Variants in ZNF26 observed in about 807,000 individuals in gnomAD.
ZNF26 encodes the protein epididymis luminal protein 179.
Under a neutral mutation model 54.9 loss-of-function variants are expected in ZNF26, and 32 were observed. That is an observed-to-expected ratio of 0.58 (90% CI 0.44 to 0.78). ZNF26 has a LOEUF of 0.78. Ranked by LOEUF, ZNF26 falls within the 30% of genes least tolerant of loss-of-function variation. ZNF26 has a pLI of 0.00. For synonymous variants in ZNF26, 221 were observed against 209.2 expected (o/e 1.06, Z -0.49); for missense variants, 524 against 634.0 (o/e 0.83, Z 1.86).
At chr12:133,007,844 A>G (rs1022327383) in intron 3 of ZNF26, among the ~76,000 whole-genome samples, 21 of 152,142 alleles carry the variant, frequency 1.4e-4, no homozygotes, top group African/African-American at 3.4e-4. Context: ...CGAGACCTTT[A>G]GAGGATTTCT....
In ZNF26 at chr12:133,027,035, A is replaced by G. The variant is rs1953714398; in HGVS notation, c.*15554A>G. ...AAATGCAACACCTTTTTACGATTAT[A>G]AACCCCTCAGCAAACATACTTCAAG... On this transcript the variant is annotated 3_prime_UTR_variant, in exon 4 of 4. Coordinates refer to ENST00000328654, the MANE Select transcript of ZNF26 (RefSeq NM_019591.4). The G allele has an allele frequency of 1.3e-5, 2 of 152,166 alleles. No homozygotes were observed. The highest frequency in any genetic ancestry group is 2.9e-5 in the Non-Finnish European group (2 of 68,032). The allele number at this position is 152,166 out of a possible 1,614,324, so 9.4% of individuals were successfully genotyped here.
intron 1 of ZNF26, among the ~76,000 whole-genome samples, chr12:132,989,056 T>TTTTTTA (rs1952890709): frequency 7.0e-6 from 1 of 143,110 alleles, no homozygotes; most frequent in Non-Finnish European, 1.5e-5. Flanking sequence ...TTTTTTTTTT[T>TTTTTTA]GAGACAGAGT....
Position 133,019,274 on chromosome 12 carries a change from T to G in ZNF26, c.*7793T>G, listed in dbSNP as rs1953607897. On this transcript the variant is annotated 3_prime_UTR_variant, in exon 4 of 4. Transcript: ENST00000328654. Reference sequence around the variant, plus strand: ...AACCCACAGATTGGGAGAAAATATTTGCAAACTATCCATTTGACAAGGGGT... The same window carrying G: ...AACCCACAGATTGGGAGAAAATATTGGCAAACTATCCATTTGACAAGGGGT... The G allele has an allele frequency of 6.6e-6, 1 of 152,100 alleles. No individual in the cohort carries two copies. The allele number at this position is 152,100 out of a possible 1,614,324, so 9.4% of individuals were successfully genotyped here. A position where few individuals can be genotyped will look rare whatever the true frequency, so the allele number is the denominator to read the frequency against.
intron 1 of ZNF26, among the ~76,000 whole-genome samples, chr12:132,999,311 G>C (rs1274188639): frequency 6.6e-6 from 1 of 152,068 alleles, no homozygotes; most frequent in Non-Finnish European, 1.5e-5. Context: ...CTTGAGTGCA[G>C]TGGCACGATC....
At position 133,001,703 on chromosome 12, in the gene ZNF26, G is replaced by A. The variant is rs1953222710; in HGVS notation, c.34-5339G>A. 1.6e-6 allele frequency: 2 copies of A among 1,288,956 alleles called. No individual in the cohort carries two copies. Among genetic ancestry groups the A allele is most frequent in the African/African-American group, 3.0e-5 (2 of 65,848 alleles). 79.8% of individuals were successfully genotyped at this position (1,288,956 alleles called of 1,614,324 possible). A position where few individuals can be genotyped will look rare whatever the true frequency, so the allele number is the denominator to read the frequency against. On this transcript the variant is annotated intron_variant, in intron 1 of 3. Transcript: ENST00000328654. The surrounding 1 kb of genome is among the most constrained non-coding windows in gnomAD (Gnocchi z 4.7). ...TTCGGGAATCTTCTGGGTGTTCCTT[G>A]GGCCCAGGGAAACAGTGCCCTGCCT...
At chr12:132,993,636 A>G (rs1054521537) in intron 1 of ZNF26, among the ~76,000 whole-genome samples, 47 of 151,500 alleles carry the variant, frequency 3.1e-4, no homozygotes, top group African/African-American at 1.1e-3. Context: ...TTGTATTTTT[A>G]GTAGAGACGG....
At chr12:133,008,649 G>A (rs1021564461) in intron 3 of ZNF26, among the ~76,000 whole-genome samples, 9 of 151,882 alleles carry the variant, frequency 5.9e-5, no homozygotes, top group South Asian at 2.1e-4. Flanking sequence ...GGTGGCGGGC[G>A]CCTGTAGTCC....
Position 133,022,648 on chromosome 12 carries a change from TTTAA to T in ZNF26, c.*11172_*11175del, listed in dbSNP as rs1953659217. ...CTAGGTGAAACTATCTCAATACAAA[TTTAA>T]TTAAAACAAAATAAATCTGATAAAG... is the stretch of plus-strand genomic sequence containing the variant. On this transcript the variant is annotated 3_prime_UTR_variant, in exon 4 of 4. Coordinates refer to ENST00000328654, the MANE Select transcript of ZNF26 (RefSeq NM_019591.4). 6.6e-6 allele frequency: 1 copy of T among 151,734 alleles called. No homozygotes were observed. Among genetic ancestry groups the T allele is most frequent in the Non-Finnish European group, 1.5e-5 (1 of 68,004 alleles). The allele number at this position is 151,734 out of a possible 1,614,324, so 9.4% of individuals were successfully genotyped here. A position where few individuals can be genotyped will look rare whatever the true frequency, so the allele number is the denominator to read the frequency against.
chr12:133,011,272 A>G lies in ZNF26; in HGVS notation c.1393A>G (p.Arg465Gly). 1 of 1,613,792 alleles carries G rather than the reference A, an allele frequency of 6.2e-7. No homozygotes were observed. Among genetic ancestry groups the G allele is most frequent in the South Asian group, 1.1e-5 (1 of 91,060 alleles). Reference sequence around the variant, plus strand: ...CAATGAATGTGAAAAAGCCTACCCTAGGAAGGCATCACTTCAGATACACCA... The same window carrying G: ...CAATGAATGTGAAAAAGCCTACCCTGGGAAGGCATCACTTCAGATACACCA... ...ECNECEKAYP[R>G]KASLQIHQKT... Residue 465 changes from arginine to glycine, a missense_variant, in exon 4 of 4, where the codon AGG becomes GGG. Physicochemically the swap from Arg to Gly is moderately radical, Grantham distance 125. Coordinates refer to ENST00000328654, the MANE Select transcript of ZNF26 (RefSeq NM_019591.4).
chr12:132,986,710 C>T lies in ZNF26; in HGVS notation c.-131C>T, dbSNP rs1473379055. 4 of 978,060 alleles carry T rather than the reference C, an allele frequency of 4.1e-6. No individual in the cohort carries two copies. Among genetic ancestry groups the T allele is most frequent in the Non-Finnish European group, 6.0e-6 (4 of 667,910 alleles). The allele number at this position is 978,060 out of a possible 1,614,324, so 60.6% of individuals were successfully genotyped here. A position where few individuals can be genotyped will look rare whatever the true frequency, so the allele number is the denominator to read the frequency against. ...GAGGAGCCGGCGTCCCTGCCAACGA[C>T]TCGGCCCCGGGACGGTCAGGAGCCT... is the stretch of plus-strand genomic sequence containing the variant. On this transcript the variant is annotated 5_prime_UTR_variant, in exon 1 of 4. Coordinates refer to ENST00000328654, the MANE Select transcript of ZNF26 (RefSeq NM_019591.4).
chr12:133,010,406 G>A lies in ZNF26; in HGVS notation c.527G>A (p.Cys176Tyr). ...CATAGCATAGAAAAAAACTGTGTGTGTAGTGAATGTGGGAAAGCTTTTCGT... is the reference window on the plus strand; with the variant it reads ...CATAGCATAGAAAAAAACTGTGTGTATAGTGAATGTGGGAAAGCTTTTCGT... ...RAHSIEKNCV[C>Y]SECGKAFRCK... The change falls in exon 4 of 4, where the codon TGT becomes TAT. Residue 176 changes from cysteine (C) to tyrosine (Y), a missense_variant. Coordinates refer to ENST00000328654, the MANE Select transcript of ZNF26 (RefSeq NM_019591.4). The A allele has an allele frequency of 6.2e-7, 1 of 1,614,192 alleles. No homozygotes were observed. Among genetic ancestry groups the A allele is most frequent in the South Asian group, 1.1e-5 (1 of 91,088 alleles).
chr12:133,006,963 C>A, intron 1 of ZNF26, 79 bp from the exon 2 acceptor site: 1 of 1,483,206 alleles, frequency 6.7e-7, no homozygotes, highest in Non-Finnish European at 9.4e-7. Context: ...GAACATTTAT[C>A]CCTTCCCAGT....
In ZNF26 at chr12:133,021,811, A is replaced by T. The variant is rs976211638; in HGVS notation, c.*10330A>T. On this transcript the variant is annotated 3_prime_UTR_variant, in exon 4 of 4. Transcript: ENST00000328654. ...ACGTTTATTTGTAGAGAAAGCTAACATGGTAAAAATTTGAGGAATATTGGT... is the reference window on the plus strand; with the variant it reads ...ACGTTTATTTGTAGAGAAAGCTAACTTGGTAAAAATTTGAGGAATATTGGT... The T allele has an allele frequency of 6.6e-6, 1 of 151,980 alleles. No individual in the cohort carries two copies. Among genetic ancestry groups the T allele is most frequent in the Non-Finnish European group, 1.5e-5 (1 of 67,998 alleles). 9.4% of individuals were successfully genotyped at this position (151,980 alleles called of 1,614,324 possible). A position where few individuals can be genotyped will look rare whatever the true frequency, so the allele number is the denominator to read the frequency against.
rs1338471536 is a variant in ZNF26 at position 133,016,123 on chromosome 12, A to G, written c.*4642A>G. 2.9e-5 allele frequency: 4 copies of G among 137,176 alleles called. No individual in the cohort carries two copies. The highest frequency in any genetic ancestry group is 5.6e-5 in the African/African-American group (2 of 35,586). 8.5% of individuals were successfully genotyped at this position (137,176 alleles called of 1,614,324 possible). Reference sequence around the variant, plus strand: ...AGTCTCACTGTGTCACCCATGCTGGAGTGCAGTGGCGTGATCTCGGCTCAC... The same window carrying G: ...AGTCTCACTGTGTCACCCATGCTGGGGTGCAGTGGCGTGATCTCGGCTCAC... On this transcript the variant is annotated 3_prime_UTR_variant, in exon 4 of 4. Coordinates refer to ENST00000328654, the MANE Select transcript of ZNF26 (RefSeq NM_019591.4).
At chr12:132,997,298 G>C (rs1953108751) in intron 1 of ZNF26, among the ~76,000 whole-genome samples, 1 of 152,160 alleles carries the variant, frequency 6.6e-6, no homozygotes, top group African/African-American at 2.4e-5. Context: ...ATGGAGTCCA[G>C]AACAGGGGTT....
intron 3 of ZNF26, among the ~76,000 whole-genome samples, chr12:133,008,493 C>A (rs1953385568): frequency 6.6e-6 from 1 of 152,082 alleles, no homozygotes; most frequent in African/African-American, 2.4e-5. Context: ...ATACCTGAGA[C>A]TGGCTGGGCA....
intron 1 of ZNF26, among the ~76,000 whole-genome samples, chr12:132,990,617 A>G (rs1434149582): frequency 2.0e-5 from 3 of 152,124 alleles, no homozygotes; most frequent in African/African-American, 7.2e-5. Flanking sequence ...GGAAAAAAAG[A>G]TTGGTGTGAT....
Position 133,001,633 on chromosome 12 carries a change from G to C in ZNF26, c.34-5409G>C. 1 of 1,288,674 alleles carries C rather than the reference G, an allele frequency of 7.8e-7. No individual in the cohort carries two copies. Among genetic ancestry groups the C allele is most frequent in the Non-Finnish European group, 1.0e-6 (1 of 988,294 alleles). The allele number at this position is 1,288,674 out of a possible 1,614,324, so 79.8% of individuals were successfully genotyped here. The stretch of plus-strand genomic sequence containing the variant: ...TCCCCTGGGGTCTCCCTCCCTGCAG[G>C]TAGTGCTGCTGAGGAGGAGCCTGCT... On this transcript the variant is annotated intron_variant, in intron 1 of 3. Transcript: ENST00000328654. This position sits in a 1 kb window ranked among gnomAD's most constrained non-coding sequence, Gnocchi z 4.7.
rs150395603 is a variant in ZNF26, at chr12:132,989,028, A to ATTTTTTTTTTTTTTTTTTTTTTTT, written c.33+2160_33+2183dup. 7.6e-5 allele frequency among the ~76,000 whole-genome samples: 6 copies of ATTTTTTTTTTTTTTTTTTTTTTTT among 78,826 alleles called. 2 individuals carry two copies. Among genetic ancestry groups the ATTTTTTTTTTTTTTTTTTTTTTTT allele is most frequent in the Non-Finnish European group, 9.1e-5 (4 of 43,930 alleles). The allele number at this position is 78,826 out of a possible 152,430, so 51.7% of individuals were successfully genotyped here. A position where few individuals can be genotyped will look rare whatever the true frequency, so the allele number is the denominator to read the frequency against. ...TGTAGTTCCAGGAGTCTTTCGGTGA[A>ATTTTTTTTTTTTTTTTTTTTTTTT]TTTTTTTTTTTTTTTTTTTTTTTTT... On this transcript the variant is annotated intron_variant, in intron 1 of 3. Transcript: ENST00000328654.
Sources: allele counts gnomAD v4.1 joint callset (sites outside exome capture counted in the v4.1 genomes callset), GRCh38; gene constraint gnomAD v4.1.1; non-coding constraint Gnocchi (gnomAD v3.1); transcripts MANE v1.5; gene names NCBI Gene and HGNC (gene_info 2026-07-23, HGNC 2026-07-21).